FOCAD: variants seen among roughly 807,000 people sequenced by gnomAD.
FOCAD encodes KIAA1797.
A neutral mutation model predicts 225.6 loss-of-function variants in FOCAD; 198 were observed. The ratio of observed to expected loss-of-function variants is 0.88; its 90% CI spans 0.78 to 0.99. FOCAD has a LOEUF of 0.99. FOCAD is among the 50% of genes least tolerant of loss of function. FOCAD has a pLI of 0.00. For synonymous variants in FOCAD, 897 were observed against 755.0 expected (o/e 1.19, Z -3.08); for missense variants, 2,713 against 2,123.6 (o/e 1.28, Z -5.46).
At chr9:20,874,854 G>T in intron 19 of FOCAD, 47 bp downstream of exon 19, 2 of 1,608,528 alleles carry the variant, frequency 1.2e-6, no homozygotes, top group Non-Finnish European at 1.7e-6. Context: ...TTAGTGGTTC[G>T]ATTTGTCTGA....
chr9:20,879,821 T>G (rs1830521856), intron 19 of FOCAD, among the ~76,000 whole-genome samples: 2 of 152,228 alleles, frequency 1.3e-5, no homozygotes, highest in African/African-American at 4.8e-5. Flanking sequence ...TGGTGTTAGG[T>G]AAACATCTGT....
intron 28 of FOCAD, among the ~76,000 whole-genome samples, chr9:20,943,045 T>C (rs183417208): frequency 3.9e-4 from 60 of 152,344 alleles, no homozygotes; most frequent in African/African-American, 1.4e-3. Context: ...TTCTGTCAAA[T>C]TGTTATATGC....
At chr9:20,714,634 G>GCCTGCCTTCCTTCCTTCCTT (rs1270720981) in intron 1 of FOCAD, among the ~76,000 whole-genome samples, 1 of 120,066 alleles carries the variant, frequency 8.3e-6, no homozygotes, top group African/African-American at 3.7e-5. Context: ...CTGCCTGCCT[G>GCCTGCCTTCCTTCCTTCCTT]CCTTCCTTCC....
chr9:20,695,089 T>G (rs564527827), intron 1 of FOCAD, among the ~76,000 whole-genome samples: 51 of 152,362 alleles, frequency 3.3e-4, no homozygotes, highest in African/African-American at 1.1e-3. Context: ...CTTGATCTAT[T>G]GCTCTGCAAG....
At chr9:20,834,536 A>T (rs527571423) in intron 15 of FOCAD, among the ~76,000 whole-genome samples, 1 of 152,246 alleles carries the variant, frequency 6.6e-6, no homozygotes, top group East Asian at 1.9e-4. Flanking sequence ...ATAATAGAAT[A>T]CTAGTAGCAG....
rs753092136 is a variant in FOCAD, at chr9:20,867,087, G to C, written c.2190+75G>C. ...CAACTTTTTCTCTCTCATCTTAGGA[G>C]ATACTTACCTGATGAATATATACAT... On this transcript the variant is annotated intron_variant, in intron 18 of 43. Transcript: ENST00000338382. The C allele has an allele frequency of 4.9e-5, 44 of 895,804 alleles. 1 individual carries two copies. The highest frequency in any genetic ancestry group is 4.4e-4 in the Middle Eastern group (2 of 4,496). The allele number at this position is 895,804 out of a possible 1,614,324, so 55.5% of individuals were successfully genotyped here.
chr9:20,667,429 T>A lies in FOCAD; in HGVS notation c.-78+8603T>A, dbSNP rs947217059. On this transcript the variant is annotated intron_variant, in intron 2 of 45. Coordinates refer to the FOCAD transcript ENST00000380249. ...AGGAAGAGGACAAGTTTGTGCCATA[T>A]AATTTTATAATTGGGAATTTAAATT... 1.1e-4 allele frequency among the ~76,000 whole-genome samples: 16 copies of A among 152,250 alleles called. 1 individual carries two copies. Among genetic ancestry groups the A allele is most frequent in the Middle Eastern group, 3.2e-3 (1 of 316 alleles).
chr9:20,758,460 A>C (rs942384687), intron 6 of FOCAD, among the ~76,000 whole-genome samples: 3 of 151,692 alleles, frequency 2.0e-5, no homozygotes, highest in African/African-American at 7.3e-5. Flanking sequence ...GGTGTGCTGC[A>C]CCCATTAACT....
rs371100397 is a variant in FOCAD at position 20,768,306 on chromosome 9, C to T, written c.700-1726C>T. On this transcript the variant is annotated intron_variant, in intron 7 of 43. Coordinates refer to ENST00000338382, the MANE Select transcript of FOCAD (RefSeq NM_001375567.1). ...TTGGCTTAGGATTGACTTGGCGATGCGGGCTCTTTTTTGGTTCCATATGAA... is the reference window on the plus strand; with the variant it reads ...TTGGCTTAGGATTGACTTGGCGATGTGGGCTCTTTTTTGGTTCCATATGAA... 9.9e-3 allele frequency among the ~76,000 whole-genome samples: 1,499 copies of T among 151,122 alleles called. 25 individuals carry two copies. Among genetic ancestry groups the T allele is most frequent in the African/African-American group, 0.035 (1,433 of 41,210 alleles).
At chr9:20,714,634 G>GCCTGCCTGCCTT (rs1270720981) in intron 1 of FOCAD, among the ~76,000 whole-genome samples, 127 of 120,036 alleles carry the variant, frequency 1.1e-3, no homozygotes, top group Middle Eastern at 4.1e-3. Flanking sequence ...CTGCCTGCCT[G>GCCTGCCTGCCTT]CCTTCCTTCC....
In FOCAD at chr9:20,823,082, A is replaced by G. The variant is rs751439772; in HGVS notation, c.1887A>G (p.Val629=). The stretch of plus-strand genomic sequence containing the variant: ...ATCAAGCTACTCCAGCAGCCTTGGT[A>G]TTACAGGGTCTTCATGCACTCTGTC... ...KPDQATPAAL[V]LQGLHALCQA... is the part of the protein sequence containing the mutation. The change falls in exon 15 of 44, where the codon GTA becomes GTG. Residue 629 remains valine (V), a synonymous_variant. Transcript: ENST00000338382. 1.2e-6 allele frequency: 2 copies of G among 1,608,528 alleles called. No homozygotes were observed. The highest frequency in any genetic ancestry group is 1.7e-5 in the Admixed American group (1 of 58,798).
intron 5 of FOCAD, among the ~76,000 whole-genome samples, chr9:20,740,732 T>C (rs1827544179): frequency 6.6e-6 from 1 of 152,126 alleles, no homozygotes; most frequent in South Asian, 2.1e-4. Flanking sequence ...TAAAAAGCAA[T>C]AGGAGACTGC....
At chr9:20,833,770 A>G (rs1309951972) in intron 15 of FOCAD, among the ~76,000 whole-genome samples, 2 of 152,096 alleles carry the variant, frequency 1.3e-5, no homozygotes, top group Non-Finnish European at 2.9e-5. Context: ...TGACTAGTAA[A>G]CACATAGAAA....
chr9:20,800,871 C>T (rs1283890774), intron 11 of FOCAD, among the ~76,000 whole-genome samples: 4 of 152,170 alleles, frequency 2.6e-5, no homozygotes, highest in African/African-American at 9.7e-5. Flanking sequence ...CTCCATCCAG[C>T]TTTGTTCTGT....
intron 9 of FOCAD, 106 bp from the exon 10 acceptor site, chr9:20,781,621 A>G: frequency 2.3e-6 from 2 of 887,668 alleles, no homozygotes; most frequent in Non-Finnish European, 3.7e-6. Flanking sequence ...TGACCCAGTT[A>G]TAAAAGGGAA....
intron 42 of FOCAD, 103 bp downstream of exon 42, chr9:20,990,477 C>G (rs1260706135): frequency 8.5e-5 from 116 of 1,369,870 alleles, no homozygotes; most frequent in Non-Finnish European, 1.1e-4. Context: ...TTGAATCACA[C>G]CACAGACTTT....
At chr9:20,914,971 T>C (rs1171205527) in intron 23 of FOCAD, among the ~76,000 whole-genome samples, 1 of 152,120 alleles carries the variant, frequency 6.6e-6, no homozygotes, top group Non-Finnish European at 1.5e-5. Flanking sequence ...ATAATTGAAA[T>C]GAAGGATGTG....
At chr9:20,934,995 C>G (rs561023631) in intron 28 of FOCAD, among the ~76,000 whole-genome samples, 4 of 152,264 alleles carry the variant, frequency 2.6e-5, no homozygotes, top group African/African-American at 9.6e-5. Context: ...GGAAACACAT[C>G]CCATGCTCAT....
At chr9:20,671,853 C>T (rs1822072802) in intron 2 of FOCAD, among the ~76,000 whole-genome samples, 1 of 152,194 alleles carries the variant, frequency 6.6e-6, no homozygotes, top group African/African-American at 2.4e-5. Flanking sequence ...CTGCCGCTGG[C>T]TTGTACAGGC....
Sources: gnomAD v4.1 joint callset for allele counts (sites outside exome capture counted in the v4.1 genomes callset) on GRCh38, gnomAD v4.1.1 for gene constraint, MANE v1.5 for transcripts, NCBI Gene and HGNC (gene_info 2026-07-23, HGNC 2026-07-21) for gene names.